The following CFAP47 variants were observed in gnomAD, a reference collection of about 807,000 sequenced individuals.
CFAP47 encodes cilia and flagella associated protein 47, also known as cilia- and flagella-associated protein 47.
Under a neutral mutation model 148.1 loss-of-function variants are expected in CFAP47, and 29 were observed. The observed-to-expected ratio is 0.20, with a 90% CI of 0.15 to 0.27. CFAP47 has a LOEUF of 0.27. CFAP47 is among the 10% of genes least tolerant of loss of function. The pLI, the probability that CFAP47 is intolerant of heterozygous loss-of-function variation, is 1.00. For synonymous variants in CFAP47, 664 were observed against 577.3 expected (o/e 1.15, Z -2.15); for missense variants, 1,872 against 1,697.5 (o/e 1.10, Z -1.81).
chrX:36,260,700 A>C (rs7064444), intron 49 of CFAP47, among the ~76,000 whole-genome samples: 5,689 of 111,460 alleles, frequency 0.051, 353 homozygotes, highest in African/African-American at 0.18. Flanking sequence ...GAAACTTTTT[A>C]CTTTAATTAG....
rs782751545 is a variant in CFAP47, at chrX:36,256,022, T to C, written c.7444+4578T>C. 1.3e-4 allele frequency among the ~76,000 whole-genome samples: 14 copies of C among 111,924 alleles called. No homozygotes were observed. In the South Asian group the frequency reaches 5.2e-3, roughly 41 times the overall value. On this transcript the variant is annotated intron_variant, in intron 49 of 63. Transcript: ENST00000378653. ...ATAATGTGTTAATGACTGAAAGCAATAAAACACGATTGCTTAATTCTTTCT... is the reference window on the plus strand; with the variant it reads ...ATAATGTGTTAATGACTGAAAGCAACAAAACACGATTGCTTAATTCTTTCT...
chrX:35,976,665 TTTAG>T (rs1936575591), intron 15 of CFAP47, among the ~76,000 whole-genome samples: 1 of 111,597 alleles, frequency 9.0e-6, no homozygotes, highest in Non-Finnish European at 1.9e-5. Flanking sequence ...TTTGTTTAGT[TTTAG>T]TTAGATAATG....
At chrX:36,142,189 A>G (rs1939154403) in intron 35 of CFAP47, among the ~76,000 whole-genome samples, 1 of 111,409 alleles carries the variant, frequency 9.0e-6, no homozygotes, top group South Asian at 3.8e-4. Context: ...ATACCTTAAA[A>G]GATATGGCAC....
chrX:36,282,706 A>G (rs1478313006), intron 50 of CFAP47, among the ~76,000 whole-genome samples: 1 of 112,208 alleles, frequency 8.9e-6, no homozygotes, highest in Non-Finnish European at 1.9e-5. Flanking sequence ...CCTTCCGAAT[A>G]GGGAAATATG....
chrX:36,341,737 A>AAATAAT (rs781997949), intron 57 of CFAP47, among the ~76,000 whole-genome samples: 1 of 110,604 alleles, frequency 9.0e-6, no homozygotes, highest in Non-Finnish European at 1.9e-5. Flanking sequence ...AGCAAAGCAC[A>AAATAAT]AATAATAATA....
At chrX:36,003,666 T>C (rs953230822) in intron 21 of CFAP47, among the ~76,000 whole-genome samples, 3 of 110,584 alleles carry the variant, frequency 2.7e-5, no homozygotes, top group African/African-American at 9.9e-5. Context: ...ACAGCCAACA[T>C]CATACTGAAT....
chrX:36,262,494 C>A (rs942641348), intron 49 of CFAP47, among the ~76,000 whole-genome samples: 5 of 111,980 alleles, frequency 4.5e-5, no homozygotes, highest in Non-Finnish European at 9.4e-5. Context: ...TGGCTCATTT[C>A]ACTTAACATA....
intron 49 of CFAP47, among the ~76,000 whole-genome samples, chrX:36,265,945 T>C (rs1940886120): frequency 8.9e-6 from 1 of 111,897 alleles, no homozygotes; most frequent in Non-Finnish European, 1.9e-5. Flanking sequence ...GTTGAATGAC[T>C]TAGTTTCTGG....
Position 36,366,998 on chromosome X carries a change from CAGA to C in CFAP47, c.9059_9061del (p.Glu3020del). The C allele has an allele frequency of 8.7e-7, 1 of 1,154,216 alleles. No homozygotes were observed. The highest frequency in any genetic ancestry group is 3.3e-5 in the East Asian group (1 of 30,477). On this transcript the variant is annotated inframe_deletion, in exon 62 of 64. Transcript: ENST00000378653. The stretch of plus-strand genomic sequence containing the variant: ...ATAACACTGAAAATAGAGTGCGTAA[CAGA>C]AGGGATCTGGAAGTTTCCCATAATG...
At chrX:35,934,626 A>G (rs1051192426) in intron 2 of CFAP47, among the ~76,000 whole-genome samples, 1 of 111,138 alleles carries the variant, frequency 9.0e-6, no homozygotes, top group Non-Finnish European at 1.9e-5. Context: ...GTCAGGTGGA[A>G]GGAGTCTTGC....
At chrX:35,934,320 C>T (rs1242138512) in intron 2 of CFAP47, among the ~76,000 whole-genome samples, 1 of 110,990 alleles carries the variant, frequency 9.0e-6, no homozygotes, top group Non-Finnish European at 1.9e-5. Flanking sequence ...GCAGAGGCGC[C>T]TCACCCTATG....
chrX:36,371,757 C>CATGTGTGTATAT (rs1941953435), intron 62 of CFAP47, among the ~76,000 whole-genome samples: 1 of 46,108 alleles, frequency 2.2e-5, no homozygotes, highest in African/African-American at 1.8e-4. Flanking sequence ...TATATACACA[C>CATGTGTGTATAT]ATGTGTGTAT....
chrX:36,338,327 C>T (rs1439375464), intron 57 of CFAP47, among the ~76,000 whole-genome samples: 2 of 111,021 alleles, frequency 1.8e-5, no homozygotes, highest in Admixed American at 9.6e-5. Flanking sequence ...GACAGCAAAA[C>T]TATTTGAAAG....
Position 35,948,308 on chromosome X carries a change from C to T in CFAP47, c.518-6C>T. On this transcript the variant is annotated splice_polypyrimidine_tract_variant and splice_region_variant and intron_variant, in intron 3 of 63. Coordinates refer to ENST00000378653, the MANE Select transcript of CFAP47 (RefSeq NM_001304548.2). The stretch of plus-strand genomic sequence containing the variant: ...GATGTAAATCAACTGCTCTTATTCC[C>T]TATAGGCATATTTAAGGCAGAATAC... The T allele has an allele frequency of 8.3e-7, 1 of 1,197,902 alleles. No homozygotes were observed. The highest frequency in any genetic ancestry group is 1.7e-5 in the African/African-American group (1 of 57,459).
chrX:36,075,379 C>T (rs941396062), intron 29 of CFAP47, among the ~76,000 whole-genome samples: 2 of 110,099 alleles, frequency 1.8e-5, no homozygotes, highest in African/African-American at 6.6e-5. Flanking sequence ...AGGTGCTTGC[C>T]ACCATGCCTG....
At position 35,919,814 on chromosome X, in the gene CFAP47, GGGTTCCCTCACCATAAACGTCCACAGA is replaced by G. The variant is rs1351374141; in HGVS notation, c.25_51del (p.Thr9_Leu17del). ...AGAGGGCAGCCATGAACACCCAAAA[GGGTTCCCTCACCATAAACGTCCACAGA>G]GGTTCCCTCGCCATGAGCATCCAAA... On this transcript the variant is annotated inframe_deletion, in exon 1 of 64. Coordinates refer to ENST00000378653, the MANE Select transcript of CFAP47 (RefSeq NM_001304548.2). The G allele has an allele frequency of 5.0e-6, 6 of 1,206,452 alleles. No individual in the cohort carries two copies. The African/African-American group carries it at 5.2e-5, about 10-fold the overall frequency.
chrX:35,975,520 T>A (rs1036637093), intron 14 of CFAP47, 152 bp from the exon 15 acceptor site: 4 of 654,012 alleles, frequency 6.1e-6, no homozygotes, highest in Middle Eastern at 4.2e-4. Context: ...ATTGATAGTT[T>A]AGTAGCAATC....
intron 50 of CFAP47, among the ~76,000 whole-genome samples, chrX:36,284,234 G>C (rs1941108789): frequency 9.0e-6 from 1 of 111,364 alleles, no homozygotes; most frequent in Non-Finnish European, 1.9e-5. Context: ...GGAATGAACT[G>C]ATGTCTGAAA....
chrX:36,171,790 T>C (rs1034577403), intron 39 of CFAP47, among the ~76,000 whole-genome samples: 2 of 111,691 alleles, frequency 1.8e-5, no homozygotes, highest in African/African-American at 6.5e-5. Context: ...GGCTATTTTT[T>C]GGTTCCTTAT....
Sources: allele counts gnomAD v4.1 joint callset (sites outside exome capture counted in the v4.1 genomes callset), GRCh38; gene constraint gnomAD v4.1.1; transcripts MANE v1.5; gene names NCBI Gene and HGNC (gene_info 2026-07-23, HGNC 2026-07-21).